TFDP2: variants seen among roughly 807,000 people sequenced by gnomAD.
The protein encoded by TFDP2 is transcription factor Dp-2 (E2F dimerization partner 2).
Under a neutral mutation model 59.3 loss-of-function variants are expected in TFDP2, and 17 were observed. The observed-to-expected ratio is 0.29, with a 90% CI of 0.20 to 0.43. The LOEUF (loss-of-function observed/expected upper bound fraction) is 0.43, where lower values mean the gene tolerates loss of function less well. TFDP2 is among the 20% of genes least tolerant of loss of function. The pLI, the probability that TFDP2 is intolerant of heterozygous loss-of-function variation, is 1.00. For missense variants in TFDP2, 391 were observed against 528.8 expected, an observed-to-expected ratio of 0.74 and a Z score of 2.56; for synonymous variants, 180 against 194.7, an observed-to-expected ratio of 0.92 and a Z score of 0.63.
At chr3:141,959,536 C>T (rs1937104138) in intron 11 of TFDP2, 138 bp downstream of exon 11, 2 of 885,152 alleles carry the variant, frequency 2.3e-6, no homozygotes, top group Admixed American at 2.3e-5. Flanking sequence ...AAAAATGGTC[C>T]TAAAGTGTTA....
intron 3 of TFDP2, among the ~76,000 whole-genome samples, chr3:142,015,715 A>C (rs1262684642): frequency 6.6e-6 from 1 of 152,184 alleles, no homozygotes; most frequent in Non-Finnish European, 1.5e-5. Flanking sequence ...TACAGCACTC[A>C]CTAGACACAG....
chr3:142,053,872 A>G (rs2059651617), intron 3 of TFDP2, among the ~76,000 whole-genome samples: 1 of 152,248 alleles, frequency 6.6e-6, no homozygotes, highest in African/African-American at 2.4e-5. Flanking sequence ...CTGATGGCAA[A>G]TAAGCACATG....
At chr3:142,044,938 T>G (rs918543628) in intron 3 of TFDP2, among the ~76,000 whole-genome samples, 2 of 152,172 alleles carry the variant, frequency 1.3e-5, no homozygotes, top group Non-Finnish European at 2.9e-5. Flanking sequence ...TCAATATATA[T>G]TTAGTTATTA....
intron 3 of TFDP2, chr3:142,044,208 G>A (rs564881227): frequency 3.8e-4 from 143 of 372,294 alleles, no homozygotes; most frequent in Non-Finnish European, 6.4e-4. Flanking sequence ...TGGCTGCGGC[G>A]GCGGCAGCAG....
At chr3:142,075,266 C>T (rs1173117848) in intron 3 of TFDP2, among the ~76,000 whole-genome samples, 1 of 152,188 alleles carries the variant, frequency 6.6e-6, no homozygotes, top group African/African-American at 2.4e-5. Context: ...AGTGATAACA[C>T]AACCTATTGA....
intron 3 of TFDP2, among the ~76,000 whole-genome samples, chr3:142,009,137 C>A (rs1944441438): frequency 6.6e-6 from 1 of 152,268 alleles, no homozygotes; most frequent in South Asian, 2.1e-4. Context: ...CTTTGTATCC[C>A]AGCATCTAGT....
intron 3 of TFDP2, among the ~76,000 whole-genome samples, chr3:142,058,522 A>G (rs890772352): frequency 6.6e-6 from 1 of 152,126 alleles, no homozygotes; most frequent in Non-Finnish European, 1.5e-5. Flanking sequence ...ATTTCTGCCT[A>G]CAGACTACAA....
intron 4 of TFDP2, among the ~76,000 whole-genome samples, chr3:141,999,545 A>C (rs1943574711): frequency 6.6e-6 from 1 of 152,170 alleles, no homozygotes; most frequent in Non-Finnish European, 1.5e-5. Context: ...GCCTGTAAGA[A>C]AAGGGCAAGT....
intron 3 of TFDP2, among the ~76,000 whole-genome samples, chr3:142,025,241 A>T (rs1412884571): frequency 6.6e-6 from 1 of 152,156 alleles, no homozygotes; most frequent in Non-Finnish European, 1.5e-5. Context: ...AATATAGAAA[A>T]TTATACTCTC....
chr3:141,973,233 C>T (rs1011119879), intron 8 of TFDP2, among the ~76,000 whole-genome samples: 3 of 151,456 alleles, frequency 2.0e-5, no homozygotes, highest in African/African-American at 7.3e-5. Context: ...GATTCTCCTG[C>T]CTCAGCTTTC....
intron 3 of TFDP2, among the ~76,000 whole-genome samples, chr3:142,042,962 G>T (rs1334919094): frequency 2.0e-5 from 3 of 150,868 alleles, no homozygotes; most frequent in African/African-American, 7.3e-5. Context: ...GTCTGGTCTC[G>T]AACTCCCGAC....
Position 141,947,883 on chromosome 3 carries a change from C to A in TFDP2, c.*4630G>T, listed in dbSNP as rs1332626962. On this transcript the variant is annotated 3_prime_UTR_variant, in exon 13 of 13. Transcript: ENST00000489671. ...GTCTCTTTCCCAGAGGGGCCTTTCCCAGCCACCCCCAGCCAAAGTAGCCTT... is the reference window on the plus strand; with the variant it reads ...GTCTCTTTCCCAGAGGGGCCTTTCCAAGCCACCCCCAGCCAAAGTAGCCTT... 6.6e-6 allele frequency: 1 copy of A among 152,400 alleles called. No homozygotes were observed. Among genetic ancestry groups the A allele is most frequent in the East Asian group, 1.9e-4 (1 of 5,206 alleles). 9.4% of individuals were successfully genotyped at this position (152,400 alleles called of 1,614,324 possible). A position where few individuals can be genotyped will look rare whatever the true frequency, so the allele number is the denominator to read the frequency against.
intron 3 of TFDP2, among the ~76,000 whole-genome samples, chr3:142,045,706 G>A (rs373658130): frequency 4.0e-5 from 6 of 151,254 alleles, no homozygotes; most frequent in Non-Finnish European, 5.9e-5. Flanking sequence ...TCCGCCTCCC[G>A]GGTTCAAAGG....
chr3:141,999,443 G>A lies in TFDP2; in HGVS notation c.187-4302C>T, dbSNP rs572460608. Among the ~76,000 whole-genome samples the A allele has an allele frequency of 2.6e-5, 4 of 152,268 alleles. No homozygotes were observed. In the South Asian group the frequency reaches 8.3e-4, roughly 32 times the overall value. ...AGTCAAAAGCTACCCATGGATTTGT[G>A]ACTGCACAGGGGCTGTGCCCTTATC... is the stretch of plus-strand genomic sequence containing the variant. On this transcript the variant is annotated intron_variant, in intron 4 of 12. Coordinates refer to ENST00000489671, the MANE Select transcript of TFDP2 (RefSeq NM_001178139.2).
intron 3 of TFDP2, among the ~76,000 whole-genome samples, chr3:142,051,203 C>T (rs1947607589): frequency 1.3e-5 from 2 of 152,128 alleles, no homozygotes; most frequent in South Asian, 4.1e-4. Context: ...CTACCTCTAC[C>T]CAGGGGCAAC....
intron 6 of TFDP2, among the ~76,000 whole-genome samples, chr3:141,982,192 T>C (rs376103822): frequency 6.0e-4 from 91 of 152,258 alleles, no homozygotes; most frequent in African/African-American, 2.2e-3. Context: ...AATTACACAC[T>C]GAAATACAAT....
intron 1 of TFDP2, among the ~76,000 whole-genome samples, chr3:142,118,675 A>C (rs2061930740): frequency 6.6e-6 from 1 of 152,178 alleles, no homozygotes; most frequent in African/African-American, 2.4e-5. Context: ...TAAGGTATGT[A>C]GAAAGAACAG....
chr3:142,100,459 G>A (rs11706152), intron 2 of TFDP2, among the ~76,000 whole-genome samples: 12,952 of 152,100 alleles, frequency 0.085, 694 homozygotes, highest in Middle Eastern at 0.14. Context: ...TGCAACCTCC[G>A]CCTCCCGGGT....
rs755443450 is a variant in TFDP2 at position 141,959,637 on chromosome 3, A to C, written c.1051+37T>G. The C allele has an allele frequency of 6.3e-6, 10 of 1,582,004 alleles. No homozygotes were observed. In the South Asian group the frequency reaches 1.2e-4, roughly 18 times the overall value. On this transcript the variant is annotated intron_variant, in intron 11 of 12. Coordinates refer to ENST00000489671, the MANE Select transcript of TFDP2 (RefSeq NM_001178139.2). ...TTTAACAAGTTTGGATTCAACATTT[A>C]ATCAGGGACAACACATGAAAGCATC... is the stretch of plus-strand genomic sequence containing the variant.
Sources: gnomAD v4.1 joint callset for allele counts (sites outside exome capture counted in the v4.1 genomes callset) on GRCh38, gnomAD v4.1.1 for gene constraint, MANE v1.5 for transcripts, NCBI Gene and HGNC (gene_info 2026-07-23, HGNC 2026-07-21) for gene names.